Variants in MAP3K4 observed in about 807,000 individuals in gnomAD.
The protein encoded by MAP3K4 is MAP three kinase 1.
Under a neutral mutation model 185.6 loss-of-function variants are expected in MAP3K4, and 67 were observed. The observed-to-expected ratio is 0.36, with a 90% CI of 0.30 to 0.44. The LOEUF (loss-of-function observed/expected upper bound fraction) is 0.44. Among genes scored for constraint, MAP3K4 ranks in the 20% least tolerant of loss-of-function variants. The pLI is 1.00. For synonymous variants in MAP3K4, 702 were observed against 710.4 expected, an observed-to-expected ratio of 0.99 and a Z score of 0.19; for missense variants, 1,551 against 1,995.1, an observed-to-expected ratio of 0.78 and a Z score of 4.24.
intron 1 of MAP3K4, among the ~76,000 whole-genome samples, chr6:160,998,794 T>C (rs1488133189): frequency 4.6e-5 from 7 of 152,252 alleles, no homozygotes; most frequent in Non-Finnish European, 1.0e-4. Context: ...TTGAAATGTC[T>C]ATATTTTAAA....
intron 2 of MAP3K4, among the ~76,000 whole-genome samples, chr6:161,047,083 A>G (rs1783761256): frequency 6.9e-6 from 1 of 143,966 alleles, no homozygotes; most frequent in African/African-American, 2.6e-5. Context: ...GATCTTTTAT[A>G]CTTTCTGATA....
rs1444802745 is a variant in MAP3K4, at chr6:161,088,121, G to T, written c.2823+167G>T. Among the ~76,000 whole-genome samples, 1 of 152,108 alleles carries T rather than the reference G, an allele frequency of 6.6e-6. No individual in the cohort carries two copies. Among genetic ancestry groups the T allele is most frequent in the Non-Finnish European group, 1.5e-5 (1 of 68,026 alleles). On this transcript the variant is annotated intron_variant, in intron 10 of 26. Coordinates refer to ENST00000392142, the MANE Select transcript of MAP3K4 (RefSeq NM_005922.4). The surrounding 1 kb of genome is among the most constrained non-coding windows in gnomAD (Gnocchi z 4.5). ...AATAGGTCATTTTGCAGCATAATTT[G>T]TACAATATATCATTCTGTTAAGTTA...
At chr6:161,021,305 A>G (rs931929537) in intron 1 of MAP3K4, among the ~76,000 whole-genome samples, 1 of 152,132 alleles carries the variant, frequency 6.6e-6, no homozygotes, top group African/African-American at 2.4e-5. Flanking sequence ...ATAAGACATA[A>G]CGTAGTCTGT....
At chr6:161,081,469 T>C (rs1008724326) in intron 6 of MAP3K4, among the ~76,000 whole-genome samples, 3 of 152,330 alleles carry the variant, frequency 2.0e-5, no homozygotes, top group African/African-American at 7.2e-5. Context: ...TACCCGCGTA[T>C]ATCAGTCTTG....
Position 161,093,075 on chromosome 6 carries a change from T to C in MAP3K4, c.3348+19T>C. On this transcript the variant is annotated intron_variant, in intron 14 of 26. Transcript: ENST00000392142. The surrounding 1 kb of genome is among the most constrained non-coding windows in gnomAD (Gnocchi z 5.2). The stretch of plus-strand genomic sequence containing the variant: ...CTTCTTGGTATGGATTATTCTAAAG[T>C]TTTTTTCATTATAAAATAAGCCAGT... 6.5e-7 allele frequency: 1 copy of C among 1,547,644 alleles called. No homozygotes were observed. The highest frequency in any genetic ancestry group is 8.9e-7 in the Non-Finnish European group (1 of 1,125,056).
chr6:161,079,926 T>C (rs779806244), intron 5 of MAP3K4, among the ~76,000 whole-genome samples: 2 of 152,138 alleles, frequency 1.3e-5, no homozygotes, highest in Non-Finnish European at 2.9e-5. Flanking sequence ...TTCCCAACAA[T>C]GAAGTCTGAG....
At chr6:160,992,293 C>T in intron 1 of MAP3K4, 2 of 595,980 alleles carry the variant, frequency 3.4e-6, no homozygotes, top group South Asian at 2.5e-5. Flanking sequence ...GTTGCAGCTC[C>T]GCAGGGTTCC....
rs1235593539 is a variant in MAP3K4 at position 161,054,816 on chromosome 6, A to G, written c.1707+4837A>G. 6.6e-6 allele frequency among the ~76,000 whole-genome samples: 1 copy of G among 152,242 alleles called. No individual in the cohort carries two copies. The highest frequency in any genetic ancestry group is 1.5e-5 in the Non-Finnish European group (1 of 68,036). ...AACTTATTTAAATCCATGTAACTGA[A>G]CTAATAATACCAGCTGCAGTTTTAT... On this transcript the variant is annotated intron_variant, in intron 3 of 26. Transcript: ENST00000392142. The surrounding 1 kb of genome is among the most constrained non-coding windows in gnomAD (Gnocchi z 4.2).
Position 161,112,901 on chromosome 6 carries a change from C to A in MAP3K4, c.4626+127C>A, listed in dbSNP as rs1390504871. ...ACTAAATAGCGAACGATATTAGATA[C>A]AAAAATCTGATCCATCAAAAGATTA... On this transcript the variant is annotated intron_variant, in intron 25 of 26. Coordinates refer to ENST00000392142, the MANE Select transcript of MAP3K4 (RefSeq NM_005922.4). This position sits in a 1 kb window ranked among gnomAD's most constrained non-coding sequence, Gnocchi z 5.1. 4.0e-6 allele frequency: 2 copies of A among 502,460 alleles called. No homozygotes were observed. Among genetic ancestry groups the A allele is most frequent in the East Asian group, 3.3e-5 (1 of 30,028 alleles). The allele number at this position is 502,460 out of a possible 1,614,324, so 31.1% of individuals were successfully genotyped here. A position where few individuals can be genotyped will look rare whatever the true frequency, so the allele number is the denominator to read the frequency against.
chr6:161,025,185 T>G lies in MAP3K4; in HGVS notation c.153-9074T>G, dbSNP rs551363239. Among the ~76,000 whole-genome samples, 8 of 152,350 alleles carry G rather than the reference T, an allele frequency of 5.3e-5. 1 individual carries two copies. In the South Asian group the frequency reaches 1.2e-3, roughly 24 times the overall value. ...TGTAACATACCTGGCAGTTCTGTTT[T>G]TGAATATTCCTCACTTGCTGGTGAT... is the stretch of plus-strand genomic sequence containing the variant. On this transcript the variant is annotated intron_variant, in intron 1 of 26. Transcript: ENST00000392142.
intron 1 of MAP3K4, among the ~76,000 whole-genome samples, chr6:160,995,104 CTATTT>C: frequency 6.6e-6 from 1 of 152,236 alleles, no homozygotes; most frequent in East Asian, 1.9e-4. Context: ...ATGCCATTGT[CTATTT>C]TTTTAATTAT....
intron 3 of MAP3K4, among the ~76,000 whole-genome samples, chr6:161,066,368 C>G (rs1784715132): frequency 1.3e-5 from 2 of 151,818 alleles, no homozygotes; most frequent in Admixed American, 6.5e-5. Context: ...GATCTGACTT[C>G]CATGTCTCTT....
rs2114828031 is a variant in MAP3K4, at chr6:161,076,145, A to C, written c.2097+2533A>C. On this transcript the variant is annotated intron_variant, in intron 5 of 26. Coordinates refer to ENST00000392142, the MANE Select transcript of MAP3K4 (RefSeq NM_005922.4). The surrounding 1 kb of genome is among the most constrained non-coding windows in gnomAD (Gnocchi z 4.2). ...GAAATGTAAACTAAAATGAAGGTAA[A>C]CCCAAGCTCTAAATACGTGTCCGCC... is the stretch of plus-strand genomic sequence containing the variant. Among the ~76,000 whole-genome samples the C allele has an allele frequency of 6.6e-6, 1 of 152,292 alleles. No individual in the cohort carries two copies. The highest frequency in any genetic ancestry group is 2.1e-4 in the South Asian group (1 of 4,824).
rs1778557162 is a variant in MAP3K4 at position 161,115,568 on chromosome 6, A to G, written c.4806+266A>G. 6.6e-6 allele frequency among the ~76,000 whole-genome samples: 1 copy of G among 152,226 alleles called. No individual in the cohort carries two copies. The highest frequency in any genetic ancestry group is 1.5e-5 in the Non-Finnish European group (1 of 68,042). Reference sequence around the variant, plus strand: ...ACTTTTAGATGGGACTGGATGAAAGAGTTTCCACTCTTGAGAGTGTATAGT... The same window carrying G: ...ACTTTTAGATGGGACTGGATGAAAGGGTTTCCACTCTTGAGAGTGTATAGT... On this transcript the variant is annotated intron_variant, in intron 26 of 26. Transcript: ENST00000392142. This position sits in a 1 kb window ranked among gnomAD's most constrained non-coding sequence, Gnocchi z 6.0.
At position 161,102,008 on chromosome 6, in the gene MAP3K4, T is replaced by G; in HGVS notation, c.3775+16T>G. 1 of 1,598,242 alleles carries G rather than the reference T, an allele frequency of 6.3e-7. No homozygotes were observed. On this transcript the variant is annotated intron_variant, in intron 18 of 26. Coordinates refer to ENST00000392142, the MANE Select transcript of MAP3K4 (RefSeq NM_005922.4). ...GAGCGAGATGGTGAGTGTTTTAAGGTGTTAGCTGCATTCACAACCAGTCTA... is the reference window on the plus strand; with the variant it reads ...GAGCGAGATGGTGAGTGTTTTAAGGGGTTAGCTGCATTCACAACCAGTCTA...
chr6:161,081,453 A>G (rs909713688), intron 6 of MAP3K4, among the ~76,000 whole-genome samples: 4 of 152,220 alleles, frequency 2.6e-5, no homozygotes, highest in African/African-American at 9.6e-5. Context: ...CTTCAAGAGT[A>G]GAATATACCC....
chr6:161,113,811 T>C (rs1297961866), intron 25 of MAP3K4, among the ~76,000 whole-genome samples: 4 of 144,442 alleles, frequency 2.8e-5, no homozygotes, highest in Admixed American at 2.8e-4. Context: ...TTTTTTTTTT[T>C]TTTTGAGATG....
At chr6:161,072,052 A>G (rs956383865) in intron 4 of MAP3K4, among the ~76,000 whole-genome samples, 5 of 152,252 alleles carry the variant, frequency 3.3e-5, no homozygotes, top group African/African-American at 1.2e-4. Context: ...GCTAGAGTAG[A>G]AAGAAAGCAG....
rs1168028429 is a variant in MAP3K4, at chr6:161,037,619, T to C, written c.343+3170T>C. Among the ~76,000 whole-genome samples the C allele has an allele frequency of 6.6e-6, 1 of 152,128 alleles. No homozygotes were observed. Among genetic ancestry groups the C allele is most frequent in the Admixed American group, 6.5e-5 (1 of 15,274 alleles). On this transcript the variant is annotated intron_variant, in intron 2 of 26. Transcript: ENST00000392142. This position sits in a 1 kb window ranked among gnomAD's most constrained non-coding sequence, Gnocchi z 4.2. ...TTTTGGTAGAGACGATGTTTCGCTA[T>C]GTTGGCCAGGCTGGTCTCGAACTGC...
Sources: allele counts gnomAD v4.1 joint callset (sites outside exome capture counted in the v4.1 genomes callset), GRCh38; gene constraint gnomAD v4.1.1; non-coding constraint Gnocchi (gnomAD v3.1); transcripts MANE v1.5; gene names NCBI Gene and HGNC (gene_info 2026-07-23, HGNC 2026-07-21).